Variants in FASN observed in about 807,000 individuals in gnomAD.
FASN encodes the protein 3-hydroxyacyl-[acyl-carrier-protein] dehydratase.
In FASN, 50 loss-of-function variants were observed where a neutral mutation model predicts 250.0. The observed-to-expected ratio is 0.20, with a 90% CI of 0.16 to 0.25. FASN has a LOEUF of 0.25. FASN is among the 10% of genes least tolerant of loss of function. The probability of loss-of-function intolerance (pLI) is 1.00; values close to 1 mark genes in which losing one functional copy is unlikely to be tolerated. For missense variants in FASN, 3,031 were observed against 3,498.5 expected, an observed-to-expected ratio of 0.87 and a Z score of 3.37; for synonymous variants, 1,909 against 1,584.0, an observed-to-expected ratio of 1.21 and a Z score of -4.87.
rs753281906 is a variant in FASN at position 82,090,916 on chromosome 17, A to G, written c.1646T>C (p.Ile549Thr). Residue 549 changes from isoleucine to threonine, a missense_variant, in exon 10 of 43, where the codon ATC becomes ACC. Coordinates refer to ENST00000306749, the MANE Select transcript of FASN (RefSeq NM_004104.5). ...AGTCAGGCTCACAAACGAATGGACG[A>G]TGTCATCAAAGGTGCTCTCGTCTGT... ...LSTDESTFDD[I>T]VHSFVSLTAI... 1 of 1,608,698 alleles carries G rather than the reference A, an allele frequency of 6.2e-7. No homozygotes were observed. Among genetic ancestry groups the G allele is most frequent in the Non-Finnish European group, 8.5e-7 (1 of 1,178,138 alleles).
At chr17:82,096,478 C>T (rs770507343) in intron 1 of FASN, 26 bp from the exon 2 acceptor site, 8 of 1,607,756 alleles carry the variant, frequency 5.0e-6, no homozygotes, top group Non-Finnish European at 6.8e-6. Context: ...TGTGAGTGCC[C>T]CACACATCCC....
chr17:82,090,305 G>C (rs563302467), intron 11 of FASN, 70 bp downstream of exon 11: 1 of 1,471,806 alleles, frequency 6.8e-7, no homozygotes, highest in Non-Finnish European at 9.2e-7. Flanking sequence ...CAGGGCTGCA[G>C]GTGAGGACCC....
In FASN at chr17:82,087,970, G is replaced by T; in HGVS notation, c.2850C>A (p.Gly950=). The change falls in exon 18 of 43, where the codon GGC becomes GGA. Residue 950 remains glycine (G), a synonymous_variant. Coordinates refer to ENST00000306749, the MANE Select transcript of FASN (RefSeq NM_004104.5). ...ASRAFEVSEN[G]NLVVSGKVYQ... is the part of the protein sequence containing the mutation. ...CCTGCTTACCACTCACTACCAGGTT[G>T]CCGTTCTCTGACACCTCGAAGGCAC... The T allele has an allele frequency of 1.2e-6, 2 of 1,612,746 alleles. No individual in the cohort carries two copies. The highest frequency in any genetic ancestry group is 1.7e-6 in the Non-Finnish European group (2 of 1,179,962).
Position 82,098,236 on chromosome 17 carries a change from C to T in FASN, c.-123G>A. On this transcript the variant is annotated 5_prime_UTR_variant, in exon 1 of 43. Transcript: ENST00000306749. ...CGGGGCCGCTGCCGTCTCTCTGGCT[C>T]CCTCTAGGCCGGCGCCGACGCTATT... The T allele has an allele frequency of 2.7e-6, 1 of 370,164 alleles. No individual in the cohort carries two copies. The highest frequency in any genetic ancestry group is 4.8e-6 in the Non-Finnish European group (1 of 207,442). 22.9% of individuals were successfully genotyped at this position (370,164 alleles called of 1,614,324 possible). A position where few individuals can be genotyped will look rare whatever the true frequency, so the allele number is the denominator to read the frequency against.
Position 82,089,086 on chromosome 17 carries a change from C to G in FASN, c.2187G>C (p.Thr729=), listed in dbSNP as rs17848930. The G allele has an allele frequency of 1.3e-6, 2 of 1,578,108 alleles. No individual in the cohort carries two copies. Among genetic ancestry groups the G allele is most frequent in the African/African-American group, 2.7e-5 (2 of 73,756 alleles). ...TGTTGACATTGTACTCGGCGGAGGA[C>G]GTGCGTGCCAGGCTGCTGTGCCACT... is the stretch of plus-strand genomic sequence containing the variant. ...EAQWHSSLAR[T]SSAEYNVNNL... is the part of the protein sequence containing the mutation. The change falls in exon 14 of 43, where the codon ACG becomes ACC. Residue 729 remains threonine (T), a synonymous_variant. Transcript: ENST00000306749.
chr17:82,096,595 T>C, intron 1 of FASN, 143 bp from the exon 2 acceptor site: 2 of 1,299,504 alleles, frequency 1.5e-6, no homozygotes, highest in Admixed American at 1.7e-5. Flanking sequence ...TGCGGCTCCC[T>C]TCCTCATGTG....
In FASN at chr17:82,087,753, T is replaced by C. The variant is rs368724160; in HGVS notation, c.2975A>G (p.Lys992Arg). The C allele has an allele frequency of 6.2e-7, 1 of 1,612,508 alleles. No homozygotes were observed. Among genetic ancestry groups the C allele is most frequent in the African/African-American group, 1.3e-5 (1 of 75,012 alleles). Reference sequence around the variant, plus strand: ...GTCGTAGCCACGCAGACGCAGCTCCTTGTAAACTTCAGCCTGGGCCAGGAA... The same window carrying C: ...GTCGTAGCCACGCAGACGCAGCTCCCTGTAAACTTCAGCCTGGGCCAGGAA... ...PLFLAQAEVY[K>R]ELRLRGYDYG... The change falls in exon 19 of 43, where the codon AAG (lysine) becomes AGG (arginine). Residue 992 changes from lysine to arginine, a missense_variant. By Grantham distance (26) the Lys-to-Arg change is conservative. Coordinates refer to ENST00000306749, the MANE Select transcript of FASN (RefSeq NM_004104.5).
chr17:82,089,296 T>G lies in FASN; in HGVS notation c.2054A>C (p.Tyr685Ser), dbSNP rs1598580428. The change falls in exon 13 of 43, where the codon TAC becomes TCC. Residue 685 changes from tyrosine (Y) to serine (S), a missense_variant. Transcript: ENST00000306749. ...VRTGGMAFHSYFMEAIAPPLL... is the reference protein window; with the variant it reads ...VRTGGMAFHSSFMEAIAPPLL... ...TGGGGGTGCGATGGCCTCCATGAAGTAGGAGTGGAAGGCCATACCGCCGGT... is the reference window on the plus strand; with the variant it reads ...TGGGGGTGCGATGGCCTCCATGAAGGAGGAGTGGAAGGCCATACCGCCGGT... 1 of 1,612,614 alleles carries G rather than the reference T, an allele frequency of 6.2e-7. No homozygotes were observed. Among genetic ancestry groups the G allele is most frequent in the Non-Finnish European group, 8.5e-7 (1 of 1,179,908 alleles).
At chr17:82,083,707 G>C in intron 30 of FASN, 65 bp downstream of exon 30, 1 of 1,606,848 alleles carries the variant, frequency 6.2e-7, no homozygotes, top group Non-Finnish European at 8.5e-7. Flanking sequence ...CAGAGGGCCA[G>C]ACCCTGCTTC....
intron 11 of FASN, among the ~76,000 whole-genome samples, chr17:82,090,074 G>A (rs956935235): frequency 1.3e-5 from 2 of 152,232 alleles, no homozygotes; most frequent in Non-Finnish European, 1.5e-5. Context: ...CTGATGACCC[G>A]TGTGTTGGCT....
intron 5 of FASN, 57 bp downstream of exon 5, chr17:82,093,162 G>A (rs912065461): frequency 3.2e-5 from 49 of 1,535,300 alleles, no homozygotes; most frequent in South Asian, 1.6e-4. Context: ...GGGACTGTGC[G>A]GGGGGCCGTC....
intron 9 of FASN, 22 bp from the exon 10 acceptor site, chr17:82,091,091 G>A (rs200641532): frequency 2.0e-5 from 32 of 1,609,030 alleles, no homozygotes; most frequent in Middle Eastern, 1.7e-4. Flanking sequence ...AGCACGTCAC[G>A]AGGCTCAGCC....
rs748732731 is a variant in FASN, at chr17:82,085,626, G to A, written c.3978C>T (p.Ala1326=). The change falls in exon 23 of 43, where the codon GCC becomes GCT. Residue 1326 remains alanine, a synonymous_variant. Coordinates refer to ENST00000306749, the MANE Select transcript of FASN (RefSeq NM_004104.5). ...CAGCCACCATGTTGCTGAGAGCTGA[G>A]GCCGGGTCCCCGAGGGCAGCCACAG... The part of the protein sequence containing the change: ...NCAVAALGDP[A]SALSNMVAAL... 12 of 1,598,576 alleles carry A rather than the reference G, an allele frequency of 7.5e-6. No homozygotes were observed. In the African/African-American group the frequency reaches 1.1e-4, roughly 14 times the overall value.
rs534742499 is a variant in FASN at position 82,080,427 on chromosome 17, G to A, written c.6990C>T (p.Thr2330=). ...QLQAQQSPAP[T]HNSLFLFDGS... The stretch of plus-strand genomic sequence containing the variant: ...CGTCGAACAGGAAGAGGCTGTTGTG[G>A]GTGGGGGCTGGGCTCTGCTGGGCCT... Residue 2330 remains threonine, a synonymous_variant, in exon 40 of 43, where the codon ACC becomes ACT. Transcript: ENST00000306749. 5.0e-6 allele frequency: 8 copies of A among 1,600,402 alleles called. No homozygotes were observed. The African/African-American group carries it at 1.1e-4, about 21-fold the overall frequency.
chr17:82,088,530 G>A lies in FASN; in HGVS notation c.2453C>T (p.Pro818Leu), dbSNP rs774528608. The A allele has an allele frequency of 2.5e-6, 4 of 1,607,724 alleles. No homozygotes were observed. Among genetic ancestry groups the A allele is most frequent in the African/African-American group, 2.7e-5 (2 of 74,826 alleles). ...IDANPNALFP[P>L]VEFPAPRGTP... Reference sequence around the variant, plus strand: ...TCCTCGGGGAGCTGGGAACTCCACAGGTGGGAACAAGGCATTGGGGTTGGC... The same window carrying A: ...TCCTCGGGGAGCTGGGAACTCCACAAGTGGGAACAAGGCATTGGGGTTGGC... The change falls in exon 16 of 43, where the codon CCT (proline) becomes CTT (leucine). Residue 818 changes from proline to leucine, a missense_variant. Transcript: ENST00000306749.
At chr17:82,087,606 G>A (rs2034128361) in intron 19 of FASN, 79 bp downstream of exon 19, 2 of 1,600,480 alleles carry the variant, frequency 1.2e-6, no homozygotes, top group Middle Eastern at 1.8e-4. Flanking sequence ...TGCATGCCTA[G>A]CTGTGGGTGC....
At chr17:82,095,561 T>C (rs1038056301) in intron 2 of FASN, 89 bp from the exon 3 acceptor site, 2 of 1,480,208 alleles carry the variant, frequency 1.4e-6, no homozygotes, top group Non-Finnish European at 9.3e-7. Flanking sequence ...GGAGGGGCCA[T>C]GGTGGAACTG....
chr17:82,084,459 T>C, intron 27 of FASN, 54 bp downstream of exon 27: 8 of 1,586,164 alleles, frequency 5.0e-6, no homozygotes, highest in Non-Finnish European at 6.9e-6. Context: ...TCCTAGCTGC[T>C]GGGGTCTCTG....
chr17:82,083,174 C>T (rs2034022660), intron 32 of FASN, 28 bp downstream of exon 32: 1 of 1,611,462 alleles, frequency 6.2e-7, no homozygotes, highest in Non-Finnish European at 8.5e-7. Flanking sequence ...GCCTGGGGTG[C>T]CCGAGGCGCC....
Sources: gnomAD v4.1 joint callset for allele counts (sites outside exome capture counted in the v4.1 genomes callset) on GRCh38, gnomAD v4.1.1 for gene constraint, MANE v1.5 for transcripts, NCBI Gene and HGNC (gene_info 2026-07-23, HGNC 2026-07-21) for gene names.